The following PTPRN2 variants were observed in gnomAD, a reference collection of about 807,000 sequenced individuals.
PTPRN2 encodes receptor-type tyrosine-protein phosphatase N2.
PTPRN2 carries 74 observed loss-of-function variants against 118.8 expected under a neutral mutation model. The observed-to-expected ratio is 0.62, with a 90% confidence interval of 0.52 to 0.76. PTPRN2 has a LOEUF of 0.76. Ranked by LOEUF, PTPRN2 falls within the 30% of genes least tolerant of loss-of-function variation. The pLI is 0.00. For synonymous variants in PTPRN2, 641 were observed against 608.0 expected (o/e 1.05, Z -0.80); for missense variants, 1,481 against 1,394.4 (o/e 1.06, Z -0.99).
intron 11 of PTPRN2, among the ~76,000 whole-genome samples, chr7:157,968,718 G>A (rs1015397699): frequency 2.0e-5 from 3 of 152,038 alleles, no homozygotes; most frequent in Admixed American, 6.5e-5. Context: ...AGCCTAGAAG[G>A]GTTTGTGTTT....
chr7:157,590,385 C>T lies in PTPRN2; in HGVS notation c.2496+4853G>A, dbSNP rs904007989. Among the ~76,000 whole-genome samples the T allele has an allele frequency of 6.6e-6, 1 of 152,152 alleles. No homozygotes were observed. The highest frequency in any genetic ancestry group is 1.5e-5 in the Non-Finnish European group (1 of 68,028). ...CTGGAGTAAGGACCAGGAATTCAGC[C>T]GAATGATTTGGAGAGCACTCACAGA... On this transcript the variant is annotated intron_variant, in intron 17 of 22. Coordinates refer to ENST00000389418, the MANE Select transcript of PTPRN2 (RefSeq NM_002847.5). The surrounding 1 kb of genome is among the most constrained non-coding windows in gnomAD (Gnocchi z 4.0).
intron 2 of PTPRN2, among the ~76,000 whole-genome samples, chr7:158,337,276 C>G (rs1197075298): frequency 6.7e-6 from 1 of 150,102 alleles, no homozygotes; most frequent in Non-Finnish European, 1.5e-5. Context: ...GTCACTCAAA[C>G]TCACACTCTC....
At chr7:157,741,951 C>G (rs572544299) in intron 12 of PTPRN2, among the ~76,000 whole-genome samples, 8 of 152,182 alleles carry the variant, frequency 5.3e-5, no homozygotes, top group African/African-American at 1.9e-4. Context: ...GTGTCAACGA[C>G]GAACCAATAA....
chr7:158,421,679 T>C (rs1398070460), intron 2 of PTPRN2, among the ~76,000 whole-genome samples: 1 of 152,170 alleles, frequency 6.6e-6, no homozygotes, highest in African/African-American at 2.4e-5. Flanking sequence ...TCCATGAAAA[T>C]GAAAGAAAAA....
At chr7:158,162,915 G>A (rs755487348) in intron 6 of PTPRN2, among the ~76,000 whole-genome samples, 14 of 152,300 alleles carry the variant, frequency 9.2e-5, no homozygotes, top group South Asian at 4.1e-4. Flanking sequence ...GGACCCGACC[G>A]TGCGACAGGA....
At chr7:157,574,513 TGAGAGAGAGA>T (rs60406378) in intron 19 of PTPRN2, 2 of 283,400 alleles carry the variant, frequency 7.1e-6, no homozygotes, top group East Asian at 7.3e-5. Context: ...AGAGTAATAA[TGAGAGAGAGA>T]GAGAGAGAGA....
At chr7:158,357,618 C>T (rs780033144) in intron 2 of PTPRN2, among the ~76,000 whole-genome samples, 5 of 152,212 alleles carry the variant, frequency 3.3e-5, no homozygotes, top group Non-Finnish European at 4.4e-5. Flanking sequence ...CTAAGAAAAG[C>T]GGCAGGAGAG....
At chr7:157,834,652 C>T (rs1176413956) in intron 12 of PTPRN2, among the ~76,000 whole-genome samples, 4 of 152,252 alleles carry the variant, frequency 2.6e-5, no homozygotes, top group Admixed American at 1.3e-4. Flanking sequence ...CAGACAGAAA[C>T]GTGGGTGTGC....
rs540408481 is a variant in PTPRN2, at chr7:157,903,620, G to A, written c.1724-4883C>T. ...AATCAGCGATTGAAGCAAACAACCT[G>A]AATTAGTGTTTGGTTTTTTCTTTTT... is the stretch of plus-strand genomic sequence containing the variant. On this transcript the variant is annotated intron_variant, in intron 11 of 22. Transcript: ENST00000389418. This position sits in a 1 kb window ranked among gnomAD's most constrained non-coding sequence, Gnocchi z 4.2. 9.1e-4 allele frequency among the ~76,000 whole-genome samples: 137 copies of A among 150,738 alleles called. 1 individual carries two copies. The highest frequency in any genetic ancestry group is 3.2e-3 in the African/African-American group (133 of 40,938).
At position 158,226,162 on chromosome 7, in the gene PTPRN2, T is replaced by A. The variant is rs1320682605; in HGVS notation, c.278-20889A>T. Among the ~76,000 whole-genome samples the A allele has an allele frequency of 2.0e-5, 3 of 152,174 alleles. No homozygotes were observed. In the East Asian group the frequency reaches 5.8e-4, roughly 29 times the overall value. ...TCCTTCCTATTTTAATCCTCAGGAT[T>A]TGTGAATAATGAATTAAAGATAATA... On this transcript the variant is annotated intron_variant, in intron 3 of 22. Transcript: ENST00000389418.
chr7:157,613,816 G>A (rs940124053), intron 15 of PTPRN2, among the ~76,000 whole-genome samples: 1 of 152,164 alleles, frequency 6.6e-6, no homozygotes, highest in African/African-American at 2.4e-5. Context: ...CAGGGGTCCC[G>A]AGGGCACCCC....
chr7:157,715,003 C>T (rs1281462940), intron 12 of PTPRN2, among the ~76,000 whole-genome samples: 1 of 152,236 alleles, frequency 6.6e-6, no homozygotes, highest in African/African-American at 2.4e-5. Flanking sequence ...ATGTGCTTTT[C>T]CTGAATGGAT....
intron 3 of PTPRN2, among the ~76,000 whole-genome samples, chr7:158,312,020 T>G (rs756160367): frequency 7.0e-6 from 1 of 143,488 alleles, no homozygotes; most frequent in Non-Finnish European, 1.5e-5. Context: ...CACATTCACA[T>G]GCTCACGTGT....
chr7:158,247,464 C>G (rs573613189), intron 3 of PTPRN2, among the ~76,000 whole-genome samples: 4,870 of 152,272 alleles, frequency 0.032, 275 homozygotes, highest in African/African-American at 0.11. Flanking sequence ...CTTCACGGCG[C>G]CCCTGCTTCC....
Position 157,603,102 on chromosome 7 carries a change from C to T in PTPRN2, c.2418+900G>A, listed in dbSNP as rs762860100. ...TCCACCACTGGTTTAAAGTGCCATC[C>T]GCCAGGTCTCCAAAGCCCCGGCCCT... On this transcript the variant is annotated intron_variant, in intron 16 of 22. Transcript: ENST00000389418. The surrounding 1 kb of genome is among the most constrained non-coding windows in gnomAD (Gnocchi z 5.4). Among the ~76,000 whole-genome samples, 19 of 152,294 alleles carry T rather than the reference C, an allele frequency of 1.2e-4. No individual in the cohort carries two copies. Among genetic ancestry groups the T allele is most frequent in the Middle Eastern group, 6.8e-3 (2 of 294 alleles).
At chr7:158,346,632 C>A (rs1453562181) in intron 2 of PTPRN2, among the ~76,000 whole-genome samples, 1 of 152,140 alleles carries the variant, frequency 6.6e-6, no homozygotes, top group African/African-American at 2.4e-5. Flanking sequence ...TGGATAAATA[C>A]CTCATAGTGG....
intron 3 of PTPRN2, among the ~76,000 whole-genome samples, chr7:158,271,152 T>C (rs1226814429): frequency 3.6e-5 from 5 of 139,442 alleles, no homozygotes; most frequent in African/African-American, 1.1e-4. Context: ...AGGGAGTAAC[T>C]GTGGGATGGA....
At position 158,293,159 on chromosome 7, in the gene PTPRN2, G is replaced by C. The variant is rs907987441; in HGVS notation, c.277+23660C>G. On this transcript the variant is annotated intron_variant, in intron 3 of 22. Transcript: ENST00000389418. Reference sequence around the variant, plus strand: ...ATTTGCTCTGAGTGCATCAGTGAGGGTGGGGTGGGTGAGTGTGAAGGCCGA... The same window carrying C: ...ATTTGCTCTGAGTGCATCAGTGAGGCTGGGGTGGGTGAGTGTGAAGGCCGA... Among the ~76,000 whole-genome samples the C allele has an allele frequency of 4.1e-4, 63 of 152,326 alleles. 1 individual carries two copies. Among genetic ancestry groups the C allele is most frequent in the Admixed American group, 3.5e-3 (53 of 15,308 alleles).
At chr7:158,385,061 G>T (rs1211170695) in intron 2 of PTPRN2, among the ~76,000 whole-genome samples, 6 of 152,156 alleles carry the variant, frequency 3.9e-5, no homozygotes, top group Non-Finnish European at 8.8e-5. Flanking sequence ...TCCCCTAATG[G>T]AGTTTCTGAT....
Sources: gnomAD v4.1 joint callset for allele counts (sites outside exome capture counted in the v4.1 genomes callset) on GRCh38, gnomAD v4.1.1 for gene constraint, Gnocchi (gnomAD v3.1) non-coding constraint, MANE v1.5 for transcripts, NCBI Gene and HGNC (gene_info 2026-07-23, HGNC 2026-07-21) for gene names.